The following ARFGEF3 variants were observed in gnomAD, a reference collection of about 807,000 sequenced individuals.
ARFGEF3 encodes brefeldin A-inhibited guanine nucleotide-exchange protein 3.
Under a neutral mutation model 221.7 loss-of-function variants are expected in ARFGEF3, and 96 were observed. The observed-to-expected ratio is 0.43, with a 90% confidence interval of 0.37 to 0.51. The LOEUF (loss-of-function observed/expected upper bound fraction) is 0.51, where lower values mean the gene tolerates loss of function less well. Ranked by LOEUF, ARFGEF3 falls within the 20% of genes least tolerant of loss-of-function variation. The probability of loss-of-function intolerance (pLI) is 0.00; values close to 1 mark genes in which losing one functional copy is unlikely to be tolerated. For synonymous variants in ARFGEF3, 1,145 were observed against 1,126.8 expected (o/e 1.02, Z -0.32); for missense variants, 2,410 against 2,789.9 (o/e 0.86, Z 3.07).
chr6:138,284,423 T>C lies in ARFGEF3; in HGVS notation c.2462-1523T>C, dbSNP rs112531714. ...AAGTATGTATATTTCAACTCCATAG[T>C]CACTTTTCCAGTGATTACTTCCTTT... On this transcript the variant is annotated intron_variant, in intron 14 of 33. Coordinates refer to ENST00000251691, the MANE Select transcript of ARFGEF3 (RefSeq NM_020340.5). 9.0e-3 allele frequency among the ~76,000 whole-genome samples: 1,373 copies of C among 152,336 alleles called. 6 individuals are homozygous for C. Among genetic ancestry groups the C allele is most frequent in the Non-Finnish European group, 0.013 (907 of 68,038 alleles).
At chr6:138,166,131 A>G (rs1398487579) in intron 1 of ARFGEF3, among the ~76,000 whole-genome samples, 1 of 152,240 alleles carries the variant, frequency 6.6e-6, no homozygotes, top group Non-Finnish European at 1.5e-5. Context: ...TCTTTAGCAC[A>G]GGGACTGCCG....
intron 6 of ARFGEF3, among the ~76,000 whole-genome samples, chr6:138,240,175 G>A (rs1305144667): frequency 6.6e-6 from 1 of 151,790 alleles, no homozygotes. Flanking sequence ...TAGCTAGTAT[G>A]GGAATATTTA....
intron 14 of ARFGEF3, 97 bp downstream of exon 14, chr6:138,280,261 C>T (rs1262124975): frequency 8.2e-6 from 10 of 1,216,184 alleles, no homozygotes; most frequent in Non-Finnish European, 1.0e-5. Context: ...TTGGAGCAGA[C>T]TTTGAAACAG....
intron 2 of ARFGEF3, 55 bp from the exon 3 acceptor site, chr6:138,206,987 C>T (rs1245554874): frequency 1.4e-6 from 2 of 1,450,912 alleles, no homozygotes; most frequent in African/African-American, 2.8e-5. Context: ...GCTTACATCA[C>T]TTGACTGCCA....
chr6:138,198,564 C>T (rs1465741895), intron 2 of ARFGEF3, among the ~76,000 whole-genome samples: 1 of 152,204 alleles, frequency 6.6e-6, no homozygotes, highest in Non-Finnish European at 1.5e-5. Context: ...TATTCATTAA[C>T]ATGAATAATA....
rs191763166 is a variant in ARFGEF3 at position 138,280,236 on chromosome 6, G to A, written c.2461+72G>A. ...GGCTCACGCTTTAAAGCCTCTTTCA[G>A]AGAAGTGTTGGTGCTTGGAGCAGAC... On this transcript the variant is annotated intron_variant, in intron 14 of 33. Coordinates refer to ENST00000251691, the MANE Select transcript of ARFGEF3 (RefSeq NM_020340.5). The A allele has an allele frequency of 9.7e-5, 142 of 1,467,764 alleles. No individual in the cohort carries two copies. In the African/African-American group the frequency reaches 1.8e-3, roughly 19 times the overall value. The allele number at this position is 1,467,764 out of a possible 1,614,324, so 90.9% of individuals were successfully genotyped here.
Position 138,323,774 on chromosome 6 carries a change from G to T in ARFGEF3, c.4869+1G>T. 1 of 1,612,548 alleles carries T rather than the reference G, an allele frequency of 6.2e-7. No individual in the cohort carries two copies. Among genetic ancestry groups the T allele is most frequent in the South Asian group, 1.1e-5 (1 of 91,062 alleles). On this transcript the variant is annotated splice_donor_variant, in intron 30 of 33. Coordinates refer to ENST00000251691, the MANE Select transcript of ARFGEF3 (RefSeq NM_020340.5). LOFTEE classifies it high-confidence loss of function. ...CTCTGCCACACTCAAGCCAGTGAAGGTACATCACTGGGAGGAAGCCCTCCC... is the reference window on the plus strand; with the variant it reads ...CTCTGCCACACTCAAGCCAGTGAAGTTACATCACTGGGAGGAAGCCCTCCC...
intron 22 of ARFGEF3, among the ~76,000 whole-genome samples, chr6:138,300,664 G>A (rs1444427296): frequency 6.6e-6 from 1 of 152,126 alleles, no homozygotes; most frequent in African/African-American, 2.4e-5. Flanking sequence ...AGCAAAAACC[G>A]CAATTACTTT....
chr6:138,223,524 A>G (rs1001995562), intron 4 of ARFGEF3, among the ~76,000 whole-genome samples: 1 of 152,194 alleles, frequency 6.6e-6, no homozygotes, highest in African/African-American at 2.4e-5. Context: ...ATAACATCTG[A>G]TATTTTGAAA....
chr6:138,308,197 G>A (rs9402969), intron 23 of ARFGEF3, among the ~76,000 whole-genome samples: 31,318 of 152,024 alleles, frequency 0.21, 3,549 homozygotes, highest in East Asian at 0.45. Context: ...ACCATAAACC[G>A]TATGGTTTGT....
chr6:138,306,256 A>G (rs1029858381), intron 22 of ARFGEF3, among the ~76,000 whole-genome samples: 2 of 152,204 alleles, frequency 1.3e-5, no homozygotes, highest in Non-Finnish European at 2.9e-5. Context: ...AAATTTAGCA[A>G]AAGAAGCTCA....
At position 138,176,126 on chromosome 6, in the gene ARFGEF3, CAT is replaced by C. The variant is rs911737890; in HGVS notation, c.137+5414_137+5415del. Among the ~76,000 whole-genome samples, 23 of 151,732 alleles carry C rather than the reference CAT, an allele frequency of 1.5e-4. 1 individual carries two copies. Among genetic ancestry groups the C allele is most frequent in the Admixed American group, 2.6e-4 (4 of 15,244 alleles). ...CCCACCTCTGTACTTTCAGTCTACA[CAT>C]GTCTCTACAAGTAAAGTGAGTTTCT... is the stretch of plus-strand genomic sequence containing the variant. On this transcript the variant is annotated intron_variant, in intron 2 of 33. Transcript: ENST00000251691.
At chr6:138,175,168 A>G (rs1482581690) in intron 2 of ARFGEF3, among the ~76,000 whole-genome samples, 1 of 152,220 alleles carries the variant, frequency 6.6e-6, no homozygotes, top group Non-Finnish European at 1.5e-5. Context: ...AAGGGTAGGA[A>G]TTAATGCAGA....
At position 138,344,026 on chromosome 6, in the gene ARFGEF3, G is replaced by A. The variant is rs982550184; in HGVS notation, c.*7540G>A. ...GTTTATTGCCCTAATCATGCTAAGA[G>A]ACTATTATTCAATATGCTTTTCCCG... On this transcript the variant is annotated 3_prime_UTR_variant, in exon 34 of 34. Transcript: ENST00000251691. 6 of 152,154 alleles carry A rather than the reference G, an allele frequency of 3.9e-5. No individual in the cohort carries two copies. The highest frequency in any genetic ancestry group is 3.9e-4 in the Admixed American group (6 of 15,260). 9.4% of individuals were successfully genotyped at this position (152,154 alleles called of 1,614,324 possible).
intron 4 of ARFGEF3, among the ~76,000 whole-genome samples, chr6:138,213,566 A>C (rs1279191860): frequency 6.6e-6 from 1 of 151,564 alleles, no homozygotes; most frequent in Non-Finnish European, 1.5e-5. Context: ...TATTATGTTA[A>C]ATAAAATAAA....
chr6:138,290,122 C>T (rs1308308764), intron 18 of ARFGEF3, among the ~76,000 whole-genome samples, 154 bp downstream of exon 18: 7 of 151,990 alleles, frequency 4.6e-5, no homozygotes, highest in African/African-American at 7.3e-5. Context: ...TCAAATGAGA[C>T]GTGAAAAGAG....
Position 138,286,679 on chromosome 6 carries a change from C to T in ARFGEF3, c.2570-22C>T, listed in dbSNP as rs1160399390. ...GGTTGTTTTTGTCTCTAGAAAATGA[C>T]ACACACCCCTCCATGTTCCAGGCGT... On this transcript the variant is annotated intron_variant, in intron 15 of 33. Coordinates refer to ENST00000251691, the MANE Select transcript of ARFGEF3 (RefSeq NM_020340.5). 3 of 1,608,776 alleles carry T rather than the reference C, an allele frequency of 1.9e-6. No individual in the cohort carries two copies. In the Admixed American group the frequency reaches 5.0e-5, roughly 27 times the overall value.
At chr6:138,261,695 ACCTT>A in intron 11 of ARFGEF3, 56 bp downstream of exon 11, 1 of 1,029,310 alleles carries the variant, frequency 9.7e-7, no homozygotes. Flanking sequence ...AAGACTTTTA[ACCTT>A]GCTTACAAGT....
At chr6:138,320,601 C>T (rs995653703) in intron 28 of ARFGEF3, among the ~76,000 whole-genome samples, 17 of 152,090 alleles carry the variant, frequency 1.1e-4, no homozygotes, top group Non-Finnish European at 1.9e-4. Context: ...CTGGAGAGGA[C>T]AGAGAAACTA....
Sources: gnomAD v4.1 joint callset for allele counts (sites outside exome capture counted in the v4.1 genomes callset) on GRCh38, gnomAD v4.1.1 for gene constraint, MANE v1.5 for transcripts, NCBI Gene and HGNC (gene_info 2026-07-23, HGNC 2026-07-21) for gene names.